Variants in COL5A2 observed in about 807,000 individuals in gnomAD.
The protein encoded by COL5A2 is collagen type V alpha 2 chain.
A neutral mutation model predicts 208.2 loss-of-function variants in COL5A2; 23 were observed. The observed-to-expected ratio is 0.11, with a 90% confidence interval of 0.08 to 0.16. The LOEUF (loss-of-function observed/expected upper bound fraction) is 0.16, where lower values mean the gene tolerates loss of function less well. COL5A2 is among the 10% of genes least tolerant of loss of function. COL5A2 has a pLI of 1.00. For synonymous variants in COL5A2, 625 were observed against 628.5 expected, an observed-to-expected ratio of 0.99 and a Z score of 0.08; for missense variants, 1,590 against 1,956.4, an observed-to-expected ratio of 0.81 and a Z score of 3.53.
the COL5A2 span, among the ~76,000 whole-genome samples, chr2:189,303,080 C>T: frequency 6.6e-6 from 1 of 152,186 alleles, no homozygotes; most frequent in Non-Finnish European, 1.5e-5. Context: ...GAAATTTGCA[C>T]TAGTTTCACT....
chr2:189,255,932 A>G, the COL5A2 span, among the ~76,000 whole-genome samples: 1 of 152,208 alleles, frequency 6.6e-6, no homozygotes, highest in African/African-American at 2.4e-5. Context: ...TCTACTCTCT[A>G]AAACATCATA....
chr2:189,242,872 G>C, the COL5A2 span, among the ~76,000 whole-genome samples: 2 of 152,136 alleles, frequency 1.3e-5, no homozygotes, highest in African/African-American at 2.4e-5. Flanking sequence ...GGAACTTCGA[G>C]GGTAAGTAGG....
chr2:189,106,030 T>C (rs934388366), intron 2 of COL5A2, among the ~76,000 whole-genome samples: 1 of 151,500 alleles, frequency 6.6e-6, no homozygotes, highest in Non-Finnish European at 1.5e-5. Context: ...AACTAATGAA[T>C]CCTTTTTAAA....
chr2:189,110,781 C>A (rs1473699632), intron 1 of COL5A2, among the ~76,000 whole-genome samples: 2 of 151,846 alleles, frequency 1.3e-5, no homozygotes, highest in East Asian at 1.9e-4. Flanking sequence ...TAAAAGAGAA[C>A]CATCTGAAAA....
At chr2:189,149,340 A>G (rs541791408) in intron 1 of COL5A2, among the ~76,000 whole-genome samples, 1 of 152,240 alleles carries the variant, frequency 6.6e-6, no homozygotes, top group Non-Finnish European at 1.5e-5. Context: ...AGAAAGTGAA[A>G]TAAATGAAGT....
the COL5A2 span, among the ~76,000 whole-genome samples, chr2:189,412,691 C>T: frequency 2.0e-5 from 3 of 152,162 alleles, no homozygotes; most frequent in Admixed American, 6.5e-5. Context: ...TCTGCAATGT[C>T]ATTTACATAC....
intron 19 of COL5A2, 126 bp from the exon 20 acceptor site, chr2:189,068,396 T>C (rs1482807422): frequency 1.2e-6 from 1 of 822,790 alleles, no homozygotes; most frequent in African/African-American, 1.7e-5. Flanking sequence ...TCAACCACCA[T>C]TATATCATAA....
Position 189,156,078 on chromosome 2 carries a change from A to G in COL5A2, c.97+23430T>C, listed in dbSNP as rs184652982. Among the ~76,000 whole-genome samples, 5 of 152,258 alleles carry G rather than the reference A, an allele frequency of 3.3e-5. No homozygotes were observed. In the East Asian group the frequency reaches 7.7e-4, roughly 24 times the overall value. On this transcript the variant is annotated intron_variant, in intron 1 of 53. Coordinates refer to ENST00000374866, the MANE Select transcript of COL5A2 (RefSeq NM_000393.5). ...AGATTACATGGGGCCCAGCTAGTTAATCCAAGATAATATCTGTATTTTAAA... is the reference window on the plus strand; with the variant it reads ...AGATTACATGGGGCCCAGCTAGTTAGTCCAAGATAATATCTGTATTTTAAA...
the COL5A2 span, among the ~76,000 whole-genome samples, chr2:189,299,803 A>T: frequency 6.6e-6 from 1 of 152,138 alleles, no homozygotes; most frequent in Non-Finnish European, 1.5e-5. Flanking sequence ...TTAAGCAAAA[A>T]CTTAATAAAA....
At chr2:189,299,689 G>T in the COL5A2 span, among the ~76,000 whole-genome samples, 1 of 152,106 alleles carries the variant, frequency 6.6e-6, no homozygotes, top group Admixed American at 6.6e-5. Flanking sequence ...GTTTAATGAA[G>T]TTCACAGCAT....
chr2:189,079,148 C>T, intron 14 of COL5A2, 41 bp from the exon 15 acceptor site: 4 of 1,432,120 alleles, frequency 2.8e-6, no homozygotes, highest in Non-Finnish European at 3.9e-6. Context: ...GAGAAGCCTA[C>T]AACCGATACA....
chr2:189,312,804 T>C, the COL5A2 span, among the ~76,000 whole-genome samples: 2 of 151,604 alleles, frequency 1.3e-5, no homozygotes, highest in Non-Finnish European at 2.9e-5. Flanking sequence ...TCTGAGTTGA[T>C]TAGGGACTAG....
At chr2:189,237,598 A>T in the COL5A2 span, among the ~76,000 whole-genome samples, 63 of 152,004 alleles carry the variant, frequency 4.1e-4, 1 homozygote, top group African/African-American at 1.5e-3. Flanking sequence ...ATGATATATA[A>T]GTAGAACATT....
the COL5A2 span, among the ~76,000 whole-genome samples, chr2:189,265,586 G>T: frequency 6.6e-6 from 1 of 152,146 alleles, no homozygotes; most frequent in Non-Finnish European, 1.5e-5. Flanking sequence ...GTTTCCAAAT[G>T]TGGTTACATT....
intron 2 of COL5A2, among the ~76,000 whole-genome samples, chr2:189,104,790 T>G (rs1176332408): frequency 2.0e-5 from 3 of 151,856 alleles, no homozygotes; most frequent in South Asian, 4.1e-4. Flanking sequence ...GTTTGGAATA[T>G]TTAAGAAAAT....
chr2:189,433,976 T>C, the COL5A2 span, among the ~76,000 whole-genome samples: 1 of 152,314 alleles, frequency 6.6e-6, no homozygotes, highest in East Asian at 1.9e-4. Context: ...TCAAAAAGCT[T>C]ATCTGCCATG....
At chr2:189,281,425 C>T in the COL5A2 span, among the ~76,000 whole-genome samples, 3 of 152,090 alleles carry the variant, frequency 2.0e-5, no homozygotes, top group African/African-American at 7.2e-5. Flanking sequence ...TGTAAAATTG[C>T]AATGAATGGA....
the COL5A2 span, among the ~76,000 whole-genome samples, chr2:189,267,391 G>A: frequency 6.6e-6 from 1 of 151,938 alleles, no homozygotes; most frequent in Non-Finnish European, 1.5e-5. Context: ...GGTGTTCATC[G>A]CTACATATTT....
chr2:189,054,885 T>C (rs1685870089), intron 35 of COL5A2, among the ~76,000 whole-genome samples: 1 of 147,670 alleles, frequency 6.8e-6, no homozygotes, highest in South Asian at 2.2e-4. Context: ...TTAGTTTTCT[T>C]CATTTTTTTT....
Sources: gnomAD v4.1 joint callset for allele counts (sites outside exome capture counted in the v4.1 genomes callset) on GRCh38, gnomAD v4.1.1 for gene constraint, MANE v1.5 for transcripts, NCBI Gene and HGNC (gene_info 2026-07-23, HGNC 2026-07-21) for gene names.